The following DCC variants were observed in gnomAD, a reference collection of about 807,000 sequenced individuals.
DCC encodes the protein netrin receptor DCC.
In DCC, 58 loss-of-function variants were observed where a neutral mutation model predicts 172.5. That is an observed-to-expected ratio of 0.34 (90% CI 0.27 to 0.42). The LOEUF is 0.42. DCC is among the 10% of genes least tolerant of loss of function. The pLI is 1.00. For missense variants in DCC, 1,740 were observed against 1,791.0 expected (o/e 0.97, Z 0.51); for synonymous variants, 709 against 644.5 (o/e 1.10, Z -1.52).
chr18:52,870,064 C>A (rs547809872), intron 2 of DCC, among the ~76,000 whole-genome samples: 1 of 152,044 alleles, frequency 6.6e-6, no homozygotes, highest in African/African-American at 2.4e-5. Context: ...TGCCAGTGGG[C>A]GACTTGGCCT....
chr18:52,447,712 A>G (rs1042707747), intron 1 of DCC, among the ~76,000 whole-genome samples: 1 of 152,146 alleles, frequency 6.6e-6, no homozygotes, highest in Non-Finnish European at 1.5e-5. Context: ...GAAGTTTACA[A>G]TCATGGTGGG....
At chr18:53,183,414 A>G (rs534354538) in intron 9 of DCC, among the ~76,000 whole-genome samples, 3 of 152,234 alleles carry the variant, frequency 2.0e-5, no homozygotes, top group African/African-American at 7.2e-5. Flanking sequence ...ATCAGCCAGG[A>G]TTTAAGTCCC....
intron 1 of DCC, among the ~76,000 whole-genome samples, chr18:52,513,195 T>A (rs1416267615): frequency 3.3e-5 from 5 of 152,186 alleles, no homozygotes; most frequent in Admixed American, 6.5e-5. Context: ...AGTTTGCTTG[T>A]TTTGTTTTGT....
intron 7 of DCC, among the ~76,000 whole-genome samples, chr18:53,144,982 A>T (rs141213270): frequency 5.3e-4 from 81 of 152,018 alleles, no homozygotes; most frequent in African/African-American, 1.8e-3. Flanking sequence ...TATCTTTAGA[A>T]CCAGTGTGCT....
intron 1 of DCC, among the ~76,000 whole-genome samples, chr18:52,449,183 C>T (rs11659938): frequency 1.3e-5 from 2 of 152,124 alleles, no homozygotes; most frequent in South Asian, 2.1e-4. Flanking sequence ...TTCACTATCA[C>T]GAGAACAGCA....
chr18:53,360,788 A>C (rs529016281), intron 15 of DCC, among the ~76,000 whole-genome samples: 1 of 152,300 alleles, frequency 6.6e-6, no homozygotes, highest in Admixed American at 6.5e-5. Context: ...GTTATGACAT[A>C]AGGGATCATT....
At chr18:52,649,705 A>G (rs1018226016) in intron 1 of DCC, among the ~76,000 whole-genome samples, 33 of 152,154 alleles carry the variant, frequency 2.2e-4, no homozygotes, top group Non-Finnish European at 4.3e-4. Context: ...ATGTCCTCCA[A>G]TTCTATCCAT....
intron 7 of DCC, among the ~76,000 whole-genome samples, chr18:53,124,504 G>A (rs967906424): frequency 2.6e-5 from 4 of 152,042 alleles, no homozygotes; most frequent in African/African-American, 9.7e-5. Flanking sequence ...CCCCCTGCTT[G>A]TTGAACTCTC....
At chr18:52,990,855 A>G (rs982633264) in intron 5 of DCC, among the ~76,000 whole-genome samples, 7 of 152,210 alleles carry the variant, frequency 4.6e-5, no homozygotes, top group Non-Finnish European at 1.0e-4. Flanking sequence ...AATAGAAGAA[A>G]TAATAGTAGG....
At chr18:53,343,742 C>A (rs987604233) in intron 15 of DCC, among the ~76,000 whole-genome samples, 19 of 151,810 alleles carry the variant, frequency 1.3e-4, no homozygotes, top group African/African-American at 4.1e-4. Context: ...TTATTTATTT[C>A]TTAAGTATTT....
intron 1 of DCC, among the ~76,000 whole-genome samples, chr18:52,637,836 A>C (rs543525937): frequency 6.6e-6 from 1 of 152,344 alleles, no homozygotes; most frequent in Non-Finnish European, 1.5e-5. Flanking sequence ...AATTCATAGC[A>C]AAAAGATCTT....
intron 12 of DCC, among the ~76,000 whole-genome samples, chr18:53,282,161 T>C (rs2056880119): frequency 6.6e-6 from 1 of 152,176 alleles, no homozygotes; most frequent in African/African-American, 2.4e-5. Context: ...GATAGATTTT[T>C]CTTTTGTTGT....
intron 5 of DCC, among the ~76,000 whole-genome samples, chr18:53,006,517 T>C (rs568240420): frequency 1.4e-4 from 21 of 152,272 alleles, no homozygotes; most frequent in African/African-American, 5.1e-4. Flanking sequence ...CCTGGGAAAA[T>C]GTAAACTTGG....
intron 2 of DCC, among the ~76,000 whole-genome samples, chr18:52,882,305 TA>T (rs1163920365): frequency 6.6e-6 from 1 of 152,078 alleles, no homozygotes; most frequent in African/African-American, 2.4e-5. Context: ...TTTACAAATA[TA>T]AGATCATTTC....
chr18:52,869,103 C>G (rs1378102438), intron 2 of DCC, among the ~76,000 whole-genome samples: 2 of 152,242 alleles, frequency 1.3e-5, no homozygotes, highest in Non-Finnish European at 2.9e-5. Flanking sequence ...TTCCCTTTGC[C>G]TGCAATGTGG....
rs948508381 is a variant in DCC, at chr18:53,459,266, G to T, written c.3427G>T (p.Gly1143Cys). 5 of 1,614,068 alleles carry T rather than the reference G, an allele frequency of 3.1e-6. No homozygotes were observed. The highest frequency in any genetic ancestry group is 4.2e-6 in the Non-Finnish European group (5 of 1,179,984). The change falls in exon 24 of 29, where the codon GGC (glycine) becomes TGC (cysteine). Residue 1143 changes from glycine (G) to cysteine (C), a missense_variant. By Grantham distance (159) the Gly-to-Cys change is radical. Transcript: ENST00000442544. ...RATHSAGKRKGSQKDLRPPDL... is the reference protein window; with the variant it reads ...RATHSAGKRKCSQKDLRPPDL... The stretch of plus-strand genomic sequence containing the variant: ...CACCCACAGTGCTGGCAAAAGGAAG[G>T]GCAGCCAGAAGGACCTCCGACCCCC...
At chr18:52,428,957 C>T (rs1349717215) in intron 1 of DCC, among the ~76,000 whole-genome samples, 1 of 151,988 alleles carries the variant, frequency 6.6e-6, no homozygotes, top group East Asian at 1.9e-4. Context: ...TGTTGCAGAA[C>T]AGAAAAATAT....
At chr18:52,994,165 G>C (rs1304628591) in intron 5 of DCC, among the ~76,000 whole-genome samples, 3 of 152,042 alleles carry the variant, frequency 2.0e-5, no homozygotes, top group Non-Finnish European at 4.4e-5. Flanking sequence ...TCTATAAAAA[G>C]CAGCCATCTA....
chr18:53,067,854 A>G (rs113200691), intron 7 of DCC, among the ~76,000 whole-genome samples: 2,456 of 152,336 alleles, frequency 0.016, 56 homozygotes, highest in African/African-American at 0.055. Flanking sequence ...GGAAAAGCAT[A>G]TAAGACATAG....
Sources: allele counts gnomAD v4.1 joint callset (sites outside exome capture counted in the v4.1 genomes callset), GRCh38; gene constraint gnomAD v4.1.1; transcripts MANE v1.5; gene names NCBI Gene and HGNC (gene_info 2026-07-23, HGNC 2026-07-21).